Variants in MYLK2 observed in about 807,000 individuals in gnomAD.
MYLK2 encodes the protein myosin light chain kinase 2, skeletal/cardiac muscle.
Under a neutral mutation model 58.2 loss-of-function variants are expected in MYLK2, and 27 were observed. The ratio of observed to expected loss-of-function variants is 0.46; its 90% confidence interval spans 0.34 to 0.64. The LOEUF (loss-of-function observed/expected upper bound fraction) is 0.64. MYLK2 is among the 30% of genes least tolerant of loss of function. MYLK2 has a pLI of 0.01. For synonymous variants in MYLK2, 310 were observed against 296.7 expected (o/e 1.04, Z -0.46); for missense variants, 676 against 764.3 (o/e 0.88, Z 1.36).
chr20:31,819,955 G>A (rs573116138), intron 2 of MYLK2, among the ~76,000 whole-genome samples, 171 bp from the exon 3 acceptor site: 80 of 152,342 alleles, frequency 5.3e-4, no homozygotes, highest in East Asian at 1.9e-3. Context: ...CTCCAAGGTC[G>A]TGGCAGCTCA....
chr20:31,830,806 C>T lies in MYLK2; in HGVS notation c.1225-13C>T, dbSNP rs765889473. On this transcript the variant is annotated splice_polypyrimidine_tract_variant and intron_variant, in intron 8 of 12. Transcript: ENST00000375985. ...GGTCAGAGGCCCACCCAGGCCACCC[C>T]CTTTCTCCTCAGCCAGAGAACATCC... 51 of 1,613,830 alleles carry T rather than the reference C, an allele frequency of 3.2e-5. No homozygotes were observed. Among genetic ancestry groups the T allele is most frequent in the Non-Finnish European group, 3.9e-5 (46 of 1,179,948 alleles).
chr20:31,823,930 C>T (rs896048965), intron 5 of MYLK2: 12 of 985,092 alleles, frequency 1.2e-5, no homozygotes, highest in Non-Finnish European at 1.4e-5. Context: ...CAGATCCTCC[C>T]TCTGCCTGAA....
At chr20:31,819,673 AG>A in intron 2 of MYLK2, 41 bp downstream of exon 2, 3 of 1,550,320 alleles carry the variant, frequency 1.9e-6, no homozygotes, top group Non-Finnish European at 2.6e-6. Flanking sequence ...GAGCTTGGGA[AG>A]GGGGGTTTTG....
In MYLK2 at chr20:31,819,569, C is replaced by T. The variant is rs1359234799; in HGVS notation, c.-12C>T. The T allele has an allele frequency of 1.9e-6, 3 of 1,551,520 alleles. No individual in the cohort carries two copies. The highest frequency in any genetic ancestry group is 2.4e-5 in the South Asian group (2 of 84,058). ...TGAGTTAGACAAGCAGCAGCACACG[C>T]CTCCCTACCTCATGGCGACAGAAAA... On this transcript the variant is annotated 5_prime_UTR_variant, in exon 2 of 13. Coordinates refer to ENST00000375985, the MANE Select transcript of MYLK2 (RefSeq NM_033118.4).
chr20:31,831,118 T>C lies in MYLK2; in HGVS notation c.1401T>C (p.Ser467=), dbSNP rs770625966. Residue 467 remains serine, a synonymous_variant, in exon 10 of 13, where the codon AGT becomes AGC. Transcript: ENST00000375985. ...TCTCCGATAAGACAGACATGTGGAG[T>C]ATGGGGGTGATCACCTACATGCTGT... is the stretch of plus-strand genomic sequence containing the variant. ...DQISDKTDMW[S]MGVITYMLLS... 8 of 1,613,380 alleles carry C rather than the reference T, an allele frequency of 5.0e-6. No individual in the cohort carries two copies. In the African/African-American group the frequency reaches 9.4e-5, roughly 19 times the overall value.
At position 31,820,417 on chromosome 20, in the gene MYLK2, A is replaced by G; in HGVS notation, c.344A>G (p.Gln115Arg). The change falls in exon 3 of 13, where the codon CAG (glutamine) becomes CGG (arginine). Residue 115 changes from glutamine to arginine, a missense_variant. By Grantham distance (43) the Gln-to-Arg change is conservative (BLOSUM62 1). This residue lies in a region of MYLK2 where 306 missense variants were observed against 296.5 expected (regional missense o/e 1.03). Transcript: ENST00000375985. ...AGCGTCAAGAAGCCCAAGGCTGAGCAGGGAGCCTCAGGCAGCCAGGATCCT... is the reference window on the plus strand; with the variant it reads ...AGCGTCAAGAAGCCCAAGGCTGAGCGGGGAGCCTCAGGCAGCCAGGATCCT... The part of the protein sequence containing the change: ...ETSVKKPKAE[Q>R]GASGSQDPGK... 3.1e-6 allele frequency: 5 copies of G among 1,612,900 alleles called. No individual in the cohort carries two copies. The highest frequency in any genetic ancestry group is 4.2e-6 in the Non-Finnish European group (5 of 1,179,914).
chr20:31,829,214 C>T (rs1331047615), intron 8 of MYLK2, among the ~76,000 whole-genome samples: 2 of 152,116 alleles, frequency 1.3e-5, no homozygotes, highest in African/African-American at 4.8e-5. Context: ...AGTCGTGAGC[C>T]TCTGTATCCT....
chr20:31,831,263 G>T (rs2062305136), intron 10 of MYLK2, 122 bp downstream of exon 10: 1 of 1,446,334 alleles, frequency 6.9e-7, no homozygotes, highest in African/African-American at 1.4e-5. Flanking sequence ...TCAGTCAGGG[G>T]TTTGCTGGGG....
intron 4 of MYLK2, among the ~76,000 whole-genome samples, chr20:31,822,626 G>A (rs1480378117): frequency 6.6e-6 from 1 of 152,112 alleles, no homozygotes; most frequent in Non-Finnish European, 1.5e-5. Flanking sequence ...GTGAGATGGG[G>A]TCAGGAGAAC....
Position 31,833,858 on chromosome 20 carries a change from GC to G in MYLK2, c.*64del. On this transcript the variant is annotated 3_prime_UTR_variant, in exon 13 of 13. Coordinates refer to ENST00000375985, the MANE Select transcript of MYLK2 (RefSeq NM_033118.4). The stretch of plus-strand genomic sequence containing the variant: ...CAGTGGCCGGGGCTGAAGCCACACA[GC>G]CCAGAAGGCCAGAAAAGGCAGCCAG... The G allele has an allele frequency of 6.7e-7, 1 of 1,499,040 alleles. No individual in the cohort carries two copies. The highest frequency in any genetic ancestry group is 9.2e-7 in the Non-Finnish European group (1 of 1,086,938). The allele number at this position is 1,499,040 out of a possible 1,614,324, so 92.9% of individuals were successfully genotyped here.
At chr20:31,827,140 A>G (rs550576314) in intron 8 of MYLK2, 430 of 855,992 alleles carry the variant, frequency 5.0e-4, no homozygotes, top group Admixed American at 1.7e-3. Context: ...AGAGGGGGGG[A>G]AAAAAAAAAG....
rs1431258101 is a variant in MYLK2 at position 31,832,148 on chromosome 20, T to C, written c.1710+12T>C. ...AGAGGCGCTGGAAGGTACCGCTGGATTCAGGGTGGGGAGGGAGGGCTTGCT... is the reference window on the plus strand; with the variant it reads ...AGAGGCGCTGGAAGGTACCGCTGGACTCAGGGTGGGGAGGGAGGGCTTGCT... On this transcript the variant is annotated intron_variant, in intron 12 of 12. Transcript: ENST00000375985. The C allele has an allele frequency of 6.2e-7, 1 of 1,606,640 alleles. No homozygotes were observed. The highest frequency in any genetic ancestry group is 1.1e-5 in the South Asian group (1 of 89,306).
chr20:31,828,489 C>T (rs1036669816), intron 8 of MYLK2: 22 of 983,778 alleles, frequency 2.2e-5, no homozygotes, highest in Non-Finnish European at 2.3e-5. Flanking sequence ...TGGAAGGCCC[C>T]GTGCTAGGCA....
Position 31,832,141 on chromosome 20 carries a change from C to T in MYLK2, c.1710+5C>T, listed in dbSNP as rs574644297. ...CTCATGAAGAGGCGCTGGAAGGTAC[C>T]GCTGGATTCAGGGTGGGGAGGGAGG... On this transcript the variant is annotated splice_donor_5th_base_variant and intron_variant, in intron 12 of 12. Transcript: ENST00000375985. The T allele has an allele frequency of 1.2e-5, 18 of 1,538,204 alleles. No individual in the cohort carries two copies. In the African/African-American group the frequency reaches 1.2e-4, roughly 11 times the overall value.
At position 31,833,973 on chromosome 20, in the gene MYLK2, A is replaced by T. The variant is rs1600415651; in HGVS notation, c.*176A>T. The T allele has an allele frequency of 1.4e-5, 9 of 623,060 alleles. No individual in the cohort carries two copies. In the East Asian group the frequency reaches 2.5e-4, roughly 17 times the overall value. 38.6% of individuals were successfully genotyped at this position (623,060 alleles called of 1,614,324 possible). A position where few individuals can be genotyped will look rare whatever the true frequency, so the allele number is the denominator to read the frequency against. ...CCCCCATGCAGTGACCGCTTCCCCG[A>T]TGTGAGCCGCCTCGGAGTGTGGCCT... On this transcript the variant is annotated 3_prime_UTR_variant, in exon 13 of 13. Coordinates refer to ENST00000375985, the MANE Select transcript of MYLK2 (RefSeq NM_033118.4).
At chr20:31,820,078 G>A in intron 2 of MYLK2, 48 bp from the exon 3 acceptor site, 2 of 1,610,614 alleles carry the variant, frequency 1.2e-6, no homozygotes, top group Non-Finnish European at 1.7e-6. Flanking sequence ...TGGGTGAGAG[G>A]GAAGGAAAGG....
chr20:31,833,503 C>A (rs931461324), intron 12 of MYLK2, among the ~76,000 whole-genome samples: 1 of 152,138 alleles, frequency 6.6e-6, no homozygotes, highest in Non-Finnish European at 1.5e-5. Context: ...TGGAGCAGAG[C>A]GGTCCTTGGT....
chr20:31,829,604 G>C (rs535047088), intron 8 of MYLK2, among the ~76,000 whole-genome samples: 5 of 152,222 alleles, frequency 3.3e-5, no homozygotes, highest in Non-Finnish European at 4.4e-5. Flanking sequence ...GAATGGGAGG[G>C]ATCAGGGGGT....
Position 31,820,505 on chromosome 20 carries a change from T to A in MYLK2, c.432T>A (p.Pro144=). The part of the protein sequence containing the change: ...EGQAAARRGS[P]AFLHSPSCPA... ...AAGCAGCAGCCAGGAGGGGCTCACC[T>A]GCCTTTCTGCATAGCCCCAGCTGTC... The change falls in exon 3 of 13, where the codon CCT becomes CCA. Residue 144 remains proline, a synonymous_variant. Transcript: ENST00000375985. 1 of 1,605,332 alleles carries A rather than the reference T, an allele frequency of 6.2e-7. No homozygotes were observed. Among genetic ancestry groups the A allele is most frequent in the Non-Finnish European group, 8.5e-7 (1 of 1,179,972 alleles).
Sources: gnomAD v4.1 joint callset for allele counts (sites outside exome capture counted in the v4.1 genomes callset) on GRCh38, gnomAD v4.1.1 for gene constraint, gnomAD v4.1.1 regional missense constraint, MANE v1.5 for transcripts, NCBI Gene and HGNC (gene_info 2026-07-23, HGNC 2026-07-21) for gene names.